TRPC5: variants seen among roughly 807,000 people sequenced by gnomAD.
TRPC5 encodes the protein short transient receptor potential channel 5.
TRPC5 carries 9 observed loss-of-function variants against 56.5 expected under a neutral mutation model. That is an observed-to-expected ratio of 0.16 (90% confidence interval 0.10 to 0.28). The LOEUF (loss-of-function observed/expected upper bound fraction) is 0.28. TRPC5 is among the 10% of genes least tolerant of loss of function. The pLI, the probability that TRPC5 is intolerant of heterozygous loss-of-function variation, is 1.00. For missense variants in TRPC5, 469 were observed against 748.9 expected (o/e 0.63, Z 4.36); for synonymous variants, 282 against 278.5 (o/e 1.01, Z -0.13).
Position 111,891,509 on chromosome X carries a change from A to G in TRPC5, c.900+20782T>C, listed in dbSNP as rs201272327. 4.5e-5 allele frequency among the ~76,000 whole-genome samples: 5 copies of G among 111,801 alleles called. No homozygotes were observed. In the East Asian group the frequency reaches 1.4e-3, roughly 31 times the overall value. On this transcript the variant is annotated intron_variant, in intron 3 of 10. Coordinates refer to ENST00000262839, the MANE Select transcript of TRPC5 (RefSeq NM_012471.3). ...TCATATCCTCAATTGTAAAATAGGT[A>G]TAATCCTTGCTACACAGGATTATTT...
chrX:111,996,239 T>G (rs1018037863), intron 1 of TRPC5, among the ~76,000 whole-genome samples: 7 of 112,055 alleles, frequency 6.2e-5, no homozygotes, highest in African/African-American at 1.9e-4. Context: ...ATTTCCTTAT[T>G]TACCCAGTAG....
chrX:111,788,667 G>A (rs1427392760), intron 7 of TRPC5, among the ~76,000 whole-genome samples: 6 of 111,364 alleles, frequency 5.4e-5, no homozygotes, highest in Admixed American at 9.6e-5. Context: ...AGAAAACCCC[G>A]TCACCTCAGC....
chrX:111,981,306 C>A (rs748565713), intron 1 of TRPC5, among the ~76,000 whole-genome samples: 1 of 111,101 alleles, frequency 9.0e-6, no homozygotes, highest in African/African-American at 3.3e-5. Context: ...AGTGGTCAGG[C>A]AGGAGGAGTC....
rs1345280595 is a variant in TRPC5, at chrX:111,774,376, A to G, written c.*1937T>C. 8.9e-6 allele frequency: 1 copy of G among 112,163 alleles called. No individual in the cohort carries two copies. Among genetic ancestry groups the G allele is most frequent in the African/African-American group, 3.2e-5 (1 of 30,892 alleles). 9.2% of individuals were successfully genotyped at this position (112,163 alleles called of 1,213,427 possible). A position where few individuals can be genotyped will look rare whatever the true frequency, so the allele number is the denominator to read the frequency against. ...TATTATTATTCAAAGTGAATTTGAC[A>G]ATTTGAAAAGCTGAATCTGTAACTT... On this transcript the variant is annotated 3_prime_UTR_variant, in exon 11 of 11. Transcript: ENST00000262839.
chrX:111,959,913 A>G (rs1306440199), intron 1 of TRPC5, among the ~76,000 whole-genome samples: 2 of 111,690 alleles, frequency 1.8e-5, no homozygotes, highest in Non-Finnish European at 3.8e-5. Context: ...TATGATCACG[A>G]GGGAGAATGC....
At chrX:111,810,152 A>T (rs2148564895) in intron 7 of TRPC5, among the ~76,000 whole-genome samples, 1 of 110,764 alleles carries the variant, frequency 9.0e-6, no homozygotes, top group East Asian at 2.9e-4. Flanking sequence ...TGACCTCGTG[A>T]TCCGCCCGCC....
At chrX:111,878,136 G>T (rs369675347) in intron 3 of TRPC5, among the ~76,000 whole-genome samples, 5 of 110,130 alleles carry the variant, frequency 4.5e-5, no homozygotes, top group African/African-American at 1.7e-4. Flanking sequence ...AACTCTTCTT[G>T]GAAGTTTTCC....
intron 1 of TRPC5, among the ~76,000 whole-genome samples, chrX:112,016,953 C>T (rs1264808260): frequency 1.8e-5 from 2 of 112,181 alleles, no homozygotes; most frequent in Non-Finnish European, 3.8e-5. Context: ...TAGCTTGGCA[C>T]ATTTTAAGTA....
intron 1 of TRPC5, among the ~76,000 whole-genome samples, chrX:112,067,189 G>GCAGGC (rs1930604565): frequency 8.9e-6 from 1 of 111,903 alleles, no homozygotes; most frequent in South Asian, 3.8e-4. Context: ...CATCACAGAA[G>GCAGGC]ACTTTGGGGG....
chrX:111,881,477 G>A (rs982851288), intron 3 of TRPC5, among the ~76,000 whole-genome samples: 1 of 111,523 alleles, frequency 9.0e-6, no homozygotes, highest in Non-Finnish European at 1.9e-5. Context: ...GGCCTGGCCC[G>A]CTATGTTTTC....
intron 1 of TRPC5, among the ~76,000 whole-genome samples, chrX:111,981,302 C>G (rs1163002328): frequency 9.0e-6 from 1 of 111,021 alleles, no homozygotes. Context: ...CTCAAGTGGT[C>G]AGGCAGGAGG....
At chrX:111,800,978 A>G (rs1053186874) in intron 7 of TRPC5, among the ~76,000 whole-genome samples, 3 of 111,052 alleles carry the variant, frequency 2.7e-5, no homozygotes, top group African/African-American at 9.8e-5. Context: ...ATCCATCACC[A>G]CTACCTAGAT....
chrX:112,073,292 CG>C (rs1406313668), intron 1 of TRPC5, among the ~76,000 whole-genome samples: 1 of 111,019 alleles, frequency 9.0e-6, no homozygotes, highest in Non-Finnish European at 1.9e-5. Context: ...TTTTTAGAGA[CG>C]GAGTCTCACT....
chrX:111,959,079 A>G (rs1432490197), intron 1 of TRPC5, among the ~76,000 whole-genome samples: 1 of 112,397 alleles, frequency 8.9e-6, no homozygotes, highest in African/African-American at 3.2e-5. Flanking sequence ...TTGGATTGCA[A>G]TTTGAAGCCA....
At chrX:111,904,418 TGTG>T (rs1925509410) in intron 3 of TRPC5, among the ~76,000 whole-genome samples, 1 of 111,425 alleles carries the variant, frequency 9.0e-6, no homozygotes, top group African/African-American at 3.3e-5. Flanking sequence ...ATAAAGGAAA[TGTG>T]GTACATATAC....
At chrX:112,076,711 CT>C (rs1482516308) in intron 1 of TRPC5, among the ~76,000 whole-genome samples, 2 of 111,709 alleles carry the variant, frequency 1.8e-5, no homozygotes, top group Non-Finnish European at 3.8e-5. Context: ...TCACTTTTGA[CT>C]TTCTAACTTG....
rs766493129 is a variant in TRPC5 at position 111,910,872 on chromosome X, C to T, written c.900+1419G>A. Among the ~76,000 whole-genome samples, 193 of 112,817 alleles carry T rather than the reference C, an allele frequency of 1.7e-3. 2 individuals are homozygous for T. The highest frequency in any genetic ancestry group is 2.0e-3 in the Non-Finnish European group (104 of 53,333). On this transcript the variant is annotated intron_variant, in intron 3 of 10. Coordinates refer to ENST00000262839, the MANE Select transcript of TRPC5 (RefSeq NM_012471.3). Reference sequence around the variant, plus strand: ...GACTGCTACTGTATGCTCGGTATTTCGCTGTGCGTAAGTATATTACCTATT... The same window carrying T: ...GACTGCTACTGTATGCTCGGTATTTTGCTGTGCGTAAGTATATTACCTATT...
At chrX:111,954,538 A>AT (rs1927178329) in intron 1 of TRPC5, among the ~76,000 whole-genome samples, 1 of 111,663 alleles carries the variant, frequency 9.0e-6, no homozygotes, top group Admixed American at 9.5e-5. Context: ...AAGGGGTCTT[A>AT]TTTTTTCAGC....
chrX:111,781,871 G>A, intron 8 of TRPC5, 64 bp downstream of exon 8: 1 of 1,027,648 alleles, frequency 9.7e-7, no homozygotes, highest in Non-Finnish European at 1.3e-6. Context: ...ACTCCAGCCT[G>A]GGTGACAGAG....
Sources: allele counts gnomAD v4.1 joint callset (sites outside exome capture counted in the v4.1 genomes callset), GRCh38; gene constraint gnomAD v4.1.1; transcripts MANE v1.5; gene names NCBI Gene and HGNC (gene_info 2026-07-23, HGNC 2026-07-21).